Variants in NEXMIF observed in about 807,000 individuals in gnomAD.
The protein encoded by NEXMIF is neurite extension and migration factor, also known as XLMR protein related to neurite extension.
Under a neutral mutation model 62.1 loss-of-function variants are expected in NEXMIF, and 8 were observed. That is an observed-to-expected ratio of 0.13 (90% CI 0.08 to 0.23). NEXMIF has a LOEUF of 0.23. NEXMIF is among the 10% of genes least tolerant of loss of function. The pLI is 1.00. For missense variants in NEXMIF, 976 were observed against 1,113.3 expected (o/e 0.88, Z 1.75); for synonymous variants, 404 against 416.6 (o/e 0.97, Z 0.37).
intron 1 of NEXMIF, among the ~76,000 whole-genome samples, chrX:74,873,167 A>G (rs1489225023): frequency 9.2e-6 from 1 of 108,623 alleles, no homozygotes; most frequent in African/African-American, 3.4e-5. Context: ...CAGTCCCCAG[A>G]GTGTGATGTT....
chrX:74,890,946 C>T (rs145982153), intron 1 of NEXMIF, among the ~76,000 whole-genome samples: 64 of 111,374 alleles, frequency 5.7e-4, no homozygotes, highest in African/African-American at 1.9e-3. Flanking sequence ...GAAAAAAATC[C>T]CTTTCTCAAA....
At chrX:74,876,007 T>C (rs779919400) in intron 1 of NEXMIF, among the ~76,000 whole-genome samples, 2 of 111,668 alleles carry the variant, frequency 1.8e-5, no homozygotes, top group Admixed American at 1.9e-4. Flanking sequence ...AGTTCTGCTC[T>C]GATTTTCATT....
In NEXMIF at chrX:74,751,666, C is replaced by CT. The variant is rs1402195700; in HGVS notation, c.-47-5970dup. ...CTTCCTTCCTTCCTTCCTTTCCTTC[C>CT]TTCCTTCCCTCCCTCCCTCCCTCTT... On this transcript the variant is annotated intron_variant, in intron 1 of 3. Coordinates refer to ENST00000055682, the MANE Select transcript of NEXMIF (RefSeq NM_001008537.3). Among the ~76,000 whole-genome samples, 12 of 91,089 alleles carry CT rather than the reference C, an allele frequency of 1.3e-4. No homozygotes were observed. The East Asian group carries it at 6.8e-3, about 52-fold the overall frequency. The allele number at this position is 91,089 out of a possible 115,157, so 79.1% of individuals were successfully genotyped here.
rs182905698 is a variant in NEXMIF at position 74,761,122 on chromosome X, G to A, written c.-47-15425C>T. ...TGACCTCAAGTGATCCGCCCGCCTC[G>A]GCCTCCCAAAGTGCTGGGATTACAG... On this transcript the variant is annotated intron_variant, in intron 1 of 3. Coordinates refer to ENST00000055682, the MANE Select transcript of NEXMIF (RefSeq NM_001008537.3). Among the ~76,000 whole-genome samples the A allele has an allele frequency of 4.5e-5, 5 of 110,129 alleles. No homozygotes were observed. The East Asian group carries it at 8.6e-4, about 19-fold the overall frequency.
intron 1 of NEXMIF, among the ~76,000 whole-genome samples, chrX:74,794,071 G>C (rs2080296317): frequency 1.0e-5 from 1 of 95,607 alleles, no homozygotes; most frequent in African/African-American, 3.7e-5. Context: ...AGAGTTTCCA[G>C]TTTTTCTGTT....
intron 1 of NEXMIF, among the ~76,000 whole-genome samples, chrX:74,892,943 G>A (rs1163126629): frequency 8.9e-6 from 1 of 111,757 alleles, no homozygotes; most frequent in African/African-American, 3.3e-5. Context: ...AAAGGATGGA[G>A]AGAGAGAGAA....
At chrX:74,855,022 C>G (rs1441843921) in intron 1 of NEXMIF, among the ~76,000 whole-genome samples, 1 of 111,453 alleles carries the variant, frequency 9.0e-6, no homozygotes, top group African/African-American at 3.3e-5. Flanking sequence ...ATTTCAGTCC[C>G]TATCAAAATA....
At chrX:74,872,571 A>T (rs899474882) in intron 1 of NEXMIF, among the ~76,000 whole-genome samples, 1 of 109,650 alleles carries the variant, frequency 9.1e-6, no homozygotes, top group African/African-American at 3.3e-5. Flanking sequence ...TCACTTAGTA[A>T]ATATAGTAAA....
At chrX:74,874,069 T>G (rs1286762888) in intron 1 of NEXMIF, among the ~76,000 whole-genome samples, 1 of 108,861 alleles carries the variant, frequency 9.2e-6, no homozygotes, top group Non-Finnish European at 1.9e-5. Flanking sequence ...TCCTTGCCCA[T>G]GCCTATGTCC....
intron 1 of NEXMIF, among the ~76,000 whole-genome samples, chrX:74,761,413 T>G (rs182279870): frequency 9.9e-5 from 11 of 111,609 alleles, no homozygotes; most frequent in Admixed American, 3.8e-4. Context: ...ACTAATTCCT[T>G]GTTCAGAAAA....
At chrX:74,765,383 A>C (rs1190567968) in intron 1 of NEXMIF, among the ~76,000 whole-genome samples, 3 of 111,570 alleles carry the variant, frequency 2.7e-5, no homozygotes, top group Non-Finnish European at 5.6e-5. Context: ...TATCCAGCTT[A>C]CCACTCTGTG....
At chrX:74,820,151 C>G (rs1412684148) in intron 1 of NEXMIF, among the ~76,000 whole-genome samples, 1 of 109,918 alleles carries the variant, frequency 9.1e-6, no homozygotes. Context: ...ATCACTTGGA[C>G]ACAGGGTGGG....
In NEXMIF at chrX:74,867,970, G is replaced by T. The variant is rs148354130; in HGVS notation, c.-48+56913C>A. ...AAAATCCCGTTAAAAAGTGGGCAAA[G>T]AACATGGACACTTCTTAAAAGAAGA... On this transcript the variant is annotated intron_variant, in intron 1 of 3. Transcript: ENST00000055682. Among the ~76,000 whole-genome samples, 399 of 111,697 alleles carry T rather than the reference G, an allele frequency of 3.6e-3. 1 individual carries two copies. Among genetic ancestry groups the T allele is most frequent in the African/African-American group, 0.012 (376 of 30,777 alleles).
intron 1 of NEXMIF, among the ~76,000 whole-genome samples, chrX:74,828,216 G>A (rs2080424595): frequency 1.8e-5 from 2 of 111,600 alleles, no homozygotes; most frequent in South Asian, 7.5e-4. Flanking sequence ...GAAAAGAGGA[G>A]GGAGTATGAT....
At chrX:74,808,941 A>G (rs2080352846) in intron 1 of NEXMIF, among the ~76,000 whole-genome samples, 1 of 112,125 alleles carries the variant, frequency 8.9e-6, no homozygotes, top group African/African-American at 3.2e-5. Context: ...CTCCAATGCA[A>G]CAGTGTTGGG....
At position 74,925,063 on chromosome X, in the gene NEXMIF, G is replaced by A; in HGVS notation, c.-228C>T. 1 of 119,080 alleles carries A rather than the reference G, an allele frequency of 8.4e-6. No homozygotes were observed. The highest frequency in any genetic ancestry group is 1.8e-5 in the Non-Finnish European group (1 of 56,784). 9.8% of individuals were successfully genotyped at this position (119,080 alleles called of 1,213,427 possible). ...CGCCGCCTCTGCCTCAGCTCCATAC[G>A]CTGGGCCCGCCAGGTGGACGCGCCT... is the stretch of plus-strand genomic sequence containing the variant. On this transcript the variant is annotated 5_prime_UTR_variant, in exon 1 of 4. Transcript: ENST00000055682.
At chrX:74,826,068 T>C (rs967411221) in intron 1 of NEXMIF, among the ~76,000 whole-genome samples, 1 of 112,640 alleles carries the variant, frequency 8.9e-6, no homozygotes, top group African/African-American at 3.2e-5. Flanking sequence ...GGTAGTTCTG[T>C]TTTTAGCTCT....
chrX:74,824,594 T>C (rs2080408316), intron 1 of NEXMIF, among the ~76,000 whole-genome samples: 2 of 111,702 alleles, frequency 1.8e-5, no homozygotes, highest in Non-Finnish European at 3.8e-5. Flanking sequence ...TGTCTTCAAA[T>C]ATTTTGGGTA....
At chrX:74,891,369 C>T (rs1194139832) in intron 1 of NEXMIF, among the ~76,000 whole-genome samples, 1 of 108,826 alleles carries the variant, frequency 9.2e-6, no homozygotes, top group South Asian at 4.0e-4. Flanking sequence ...TGCAGTTCCA[C>T]ATTTACTAGA....
Sources: gnomAD v4.1 joint callset for allele counts (sites outside exome capture counted in the v4.1 genomes callset) on GRCh38, gnomAD v4.1.1 for gene constraint, MANE v1.5 for transcripts, NCBI Gene and HGNC (gene_info 2026-07-23, HGNC 2026-07-21) for gene names.